PHKA1: variants seen among roughly 807,000 people sequenced by gnomAD.
PHKA1 encodes phosphorylase b kinase regulatory subunit alpha, skeletal muscle isoform.
Under a neutral mutation model 110.2 loss-of-function variants are expected in PHKA1, and 60 were observed. That is an observed-to-expected ratio of 0.54 (90% CI 0.44 to 0.68). The LOEUF (loss-of-function observed/expected upper bound fraction) is 0.68. Among genes scored for constraint, PHKA1 ranks in the 30% least tolerant of loss-of-function variants. PHKA1 has a pLI of 0.00. For synonymous variants in PHKA1, 316 were observed against 333.6 expected (o/e 0.95, Z 0.58); for missense variants, 801 against 942.5 (o/e 0.85, Z 1.97).
chrX:72,586,483 C>A lies in PHKA1; in HGVS notation c.3244-2181G>T, dbSNP rs1019183576. 2.7e-5 allele frequency among the ~76,000 whole-genome samples: 3 copies of A among 111,783 alleles called. No homozygotes were observed. In the East Asian group the frequency reaches 8.5e-4, roughly 32 times the overall value. ...CCATAAAGATGGGGAGAAACCAGAG[C>A]AGAAAAGCTGAAAATTCTAAAACCC... On this transcript the variant is annotated intron_variant, in intron 29 of 31. Coordinates refer to ENST00000373542, the MANE Select transcript of PHKA1 (RefSeq NM_002637.4).
chrX:72,617,834 A>T (rs1014714480), intron 21 of PHKA1, among the ~76,000 whole-genome samples: 4 of 109,195 alleles, frequency 3.7e-5, no homozygotes, highest in Non-Finnish European at 5.7e-5. Flanking sequence ...TCCAAAAAAT[A>T]AAAAAAATAA....
intron 4 of PHKA1, among the ~76,000 whole-genome samples, chrX:72,684,908 G>A (rs782800393): frequency 2.7e-5 from 3 of 111,310 alleles, no homozygotes; most frequent in Non-Finnish European, 3.8e-5. Context: ...GGGAATAAAA[G>A]ACAAATATTT....
intron 9 of PHKA1, 142 bp downstream of exon 9, chrX:72,657,446 A>C (rs782299208): frequency 2.5e-4 from 117 of 471,792 alleles, no homozygotes; most frequent in East Asian, 3.4e-4. Flanking sequence ...CAAGTTCAAC[A>C]AATATAGCAA....
chrX:72,639,535 C>T (rs2053270853), intron 14 of PHKA1, among the ~76,000 whole-genome samples: 1 of 110,909 alleles, frequency 9.0e-6, no homozygotes, highest in Admixed American at 9.6e-5. Flanking sequence ...AGCAAGACTC[C>T]ATCTTGGGGG....
At chrX:72,696,670 AGCTGTGCCCCAACTATTTT>A (rs1227385188) in intron 3 of PHKA1, among the ~76,000 whole-genome samples, 2 of 111,717 alleles carry the variant, frequency 1.8e-5, no homozygotes, top group Non-Finnish European at 3.8e-5. Context: ...TATAAAACCA[AGCTGTGCCCCAACTATTTT>A]GGGCACAGGT....
intron 21 of PHKA1, among the ~76,000 whole-genome samples, chrX:72,616,578 T>A (rs1048022589): frequency 3.6e-5 from 4 of 111,594 alleles, no homozygotes; most frequent in African/African-American, 1.3e-4. Flanking sequence ...CAGCCCATTT[T>A]CAGTAATGGA....
At chrX:72,681,786 G>A (rs1210279646) in intron 5 of PHKA1, among the ~76,000 whole-genome samples, 2 of 47,114 alleles carry the variant, frequency 4.2e-5, no homozygotes, top group African/African-American at 1.0e-4. Context: ...CTGCCCAGCC[G>A]CCCCTACTGG....
intron 23 of PHKA1, among the ~76,000 whole-genome samples, chrX:72,607,961 G>C (rs2052754878): frequency 9.0e-6 from 1 of 110,937 alleles, no homozygotes; most frequent in East Asian, 2.8e-4. Context: ...ACCCCACTGT[G>C]GCCAACCTGG....
intron 21 of PHKA1, among the ~76,000 whole-genome samples, chrX:72,613,013 C>A (rs1279076121): frequency 9.0e-6 from 1 of 111,068 alleles, no homozygotes; most frequent in Non-Finnish European, 1.9e-5. Flanking sequence ...CCAGTATCAA[C>A]CCCTAGACAT....
chrX:72,651,700 C>A (rs1479457591), intron 12 of PHKA1, among the ~76,000 whole-genome samples: 1 of 111,599 alleles, frequency 9.0e-6, no homozygotes, highest in Non-Finnish European at 1.9e-5. Flanking sequence ...TTGCTAGACT[C>A]ATTTAGTAAT....
At chrX:72,645,139 G>A (rs1479738866) in intron 13 of PHKA1, among the ~76,000 whole-genome samples, 4 of 111,632 alleles carry the variant, frequency 3.6e-5, no homozygotes, top group Non-Finnish European at 7.5e-5. Context: ...GAAGTAGGAA[G>A]CCCAACTACA....
chrX:72,634,860 A>T (rs781836878), intron 16 of PHKA1, among the ~76,000 whole-genome samples: 1 of 112,204 alleles, frequency 8.9e-6, no homozygotes, highest in East Asian at 2.8e-4. Context: ...AAACTATCTG[A>T]AAACTATTCA....
In PHKA1 at chrX:72,581,081, C is replaced by G; in HGVS notation, c.3593G>C (p.Gly1198Ala). The stretch of plus-strand genomic sequence containing the variant: ...TGCCTTGGAGAGGTAGGTCATGGTG[C>G]CAAACCTGCCACTGGGTGCACTGTC... ...LYDSAPSGRF[G>A]TMTYLSKAAA... The change falls in exon 32 of 32, where the codon GGC becomes GCC. Residue 1198 changes from glycine (G) to alanine (A), a missense_variant. By Grantham distance (60) the Gly-to-Ala change is moderately conservative. Around this residue, in one of 2 missense-constraint regions of PHKA1, gnomAD observed 502 missense variants for 519.2 expected, o/e 0.97. Coordinates refer to ENST00000373542, the MANE Select transcript of PHKA1 (RefSeq NM_002637.4). The G allele has an allele frequency of 4.2e-6, 5 of 1,203,768 alleles. No homozygotes were observed. Among genetic ancestry groups the G allele is most frequent in the Non-Finnish European group, 5.6e-6 (5 of 888,415 alleles).
chrX:72,619,842 C>T (rs923438118), intron 19 of PHKA1, among the ~76,000 whole-genome samples: 8 of 111,737 alleles, frequency 7.2e-5, no homozygotes, highest in African/African-American at 1.6e-4. Context: ...TTGTAATTTT[C>T]ACCACTTTAC....
rs143802511 is a variant in PHKA1, at chrX:72,582,546, C to G, written c.3350G>C (p.Arg1117Pro). 8.3e-7 allele frequency: 1 copy of G among 1,202,481 alleles called. No homozygotes were observed. Reference protein sequence around the residue: ...FSVHVESVLNRVPQPEYRQLL... With the variant: ...FSVHVESVLNPVPQPEYRQLL... ...CTGACGGTACTCTGGCTGAGGTACACGATTCAGGACAGACTCCACATGAAC... is the reference window on the plus strand; with the variant it reads ...CTGACGGTACTCTGGCTGAGGTACAGGATTCAGGACAGACTCCACATGAAC... The change falls in exon 31 of 32, where the codon CGT becomes CCT. Residue 1117 changes from arginine to proline, a missense_variant. Physicochemically the swap from Arg to Pro is moderately radical, Grantham distance 103 (BLOSUM62 -2). Transcript: ENST00000373542.
At chrX:72,644,310 C>T (rs782361527) in intron 14 of PHKA1, 52 bp downstream of exon 14, 1 of 1,165,516 alleles carries the variant, frequency 8.6e-7, no homozygotes, top group Non-Finnish European at 1.2e-6. Context: ...GGATGGAAAC[C>T]AGCCTATAAT....
At chrX:72,680,570 T>C (rs2053835741) in intron 5 of PHKA1, among the ~76,000 whole-genome samples, 4 of 112,827 alleles carry the variant, frequency 3.5e-5, no homozygotes, top group African/African-American at 9.7e-5. Flanking sequence ...ACTAGAAGAA[T>C]GAAGAAATGT....
In PHKA1 at chrX:72,682,857, C is replaced by T. The variant is rs1189043818; in HGVS notation, c.537+1641G>A. 8.9e-5 allele frequency among the ~76,000 whole-genome samples: 7 copies of T among 78,379 alleles called. No individual in the cohort carries two copies. The Admixed American group carries it at 1.0e-3, about 12-fold the overall frequency. The allele number at this position is 78,379 out of a possible 115,157, so 68.1% of individuals were successfully genotyped here. ...TTCACTTGTTTATCTGCTGACCTTCCCTCCACTATTGTCCCATGACCCTGC... is the reference window on the plus strand; with the variant it reads ...TTCACTTGTTTATCTGCTGACCTTCTCTCCACTATTGTCCCATGACCCTGC... On this transcript the variant is annotated intron_variant, in intron 5 of 31. Coordinates refer to ENST00000373542, the MANE Select transcript of PHKA1 (RefSeq NM_002637.4).
At position 72,685,431 on chromosome X, in the gene PHKA1, T is replaced by C. The variant is rs782195313; in HGVS notation, c.455-851A>G. Among the ~76,000 whole-genome samples the C allele has an allele frequency of 3.3e-4, 37 of 111,879 alleles. No homozygotes were observed. In the South Asian group the frequency reaches 0.014, roughly 42 times the overall value. On this transcript the variant is annotated intron_variant, in intron 4 of 31. Coordinates refer to ENST00000373542, the MANE Select transcript of PHKA1 (RefSeq NM_002637.4). ...TGAGATTCAAGGTAGTTTTATTTTA[T>C]CTTTTCTGGACATTTTTGCAATTTT...
Sources: allele counts gnomAD v4.1 joint callset (sites outside exome capture counted in the v4.1 genomes callset), GRCh38; gene constraint gnomAD v4.1.1; regional missense constraint gnomAD v4.1.1; transcripts MANE v1.5; gene names NCBI Gene and HGNC (gene_info 2026-07-23, HGNC 2026-07-21).